RASSF1: variants seen among roughly 807,000 people sequenced by gnomAD.
RASSF1 encodes ras association domain-containing protein 1.
Under a neutral mutation model 34.3 loss-of-function variants are expected in RASSF1, and 33 were observed. The ratio of observed to expected loss-of-function variants is 0.96; its 90% CI spans 0.73 to 1.29. The LOEUF is 1.29. Among genes scored for constraint, RASSF1 ranks in the 50% most tolerant of loss-of-function variants. RASSF1 has a pLI of 0.00. For missense variants in RASSF1, 445 were observed against 471.8 expected (o/e 0.94, Z 0.53); for synonymous variants, 191 against 195.0 (o/e 0.98, Z 0.17).
intron 5 of RASSF1, 24 bp downstream of exon 5, chr3:50,331,310 A>G (rs777515136): frequency 1.3e-6 from 2 of 1,494,456 alleles, no homozygotes; most frequent in South Asian, 2.5e-5. Context: ...GTGACAACCA[A>G]GAAACTAAGA....
chr3:50,337,417 C>T, intron 2 of RASSF1: 1 of 1,581,924 alleles, frequency 6.3e-7, no homozygotes, highest in Non-Finnish European at 8.6e-7. Context: ...TGCGCGTGCG[C>T]CCGGGCCAGA....
intron 2 of RASSF1, chr3:50,337,449 C>T (rs772117204): frequency 1.9e-6 from 3 of 1,574,788 alleles, no homozygotes; most frequent in Non-Finnish European, 2.6e-6. Flanking sequence ...ACCGTTAAGA[C>T]TGAAACGTAG....
intron 1 of RASSF1, 143 bp downstream of exon 1, chr3:50,340,413 C>G (rs778626660): frequency 1.7e-6 from 2 of 1,196,890 alleles, no homozygotes; most frequent in Non-Finnish European, 2.2e-6. Context: ...TTCGCGCACT[C>G]TTCAGCGATG....
At chr3:50,335,598 C>A (rs1365444462) in intron 2 of RASSF1, among the ~76,000 whole-genome samples, 1 of 151,874 alleles carries the variant, frequency 6.6e-6, no homozygotes, top group Non-Finnish European at 1.5e-5. Context: ...AGATTACAGG[C>A]ATGAGTCACC....
At position 50,330,599 on chromosome 3, in the gene RASSF1, G is replaced by A. The variant is rs148001613; in HGVS notation, c.1005C>T (p.His335=). 1.1e-5 allele frequency: 18 copies of A among 1,614,022 alleles called. No individual in the cohort carries two copies. The highest frequency in any genetic ancestry group is 5.3e-5 in the African/African-American group (4 of 74,934). ...CAAGAGGTCACCCAAGGGGGCAGGC[G>A]TGCAGGGCCTCTTGGATCTTCTGGC... ...YCRQKIQEAL[H]ACPLG is the part of the protein sequence containing the mutation. Residue 335 remains histidine (H), a synonymous_variant, in exon 6 of 6, where the codon CAC becomes CAT. Transcript: ENST00000359365. The surrounding 1 kb of genome is among the most constrained non-coding windows in gnomAD (Gnocchi z 4.5).
chr3:50,331,295 G>A, intron 5 of RASSF1, 39 bp downstream of exon 5: 4 of 1,431,726 alleles, frequency 2.8e-6, no homozygotes, highest in Non-Finnish European at 2.9e-6. Flanking sequence ...CATCAGTCCT[G>A]TCTAGTGACA....
intron 2 of RASSF1, chr3:50,337,704 G>A: frequency 3.6e-6 from 3 of 835,172 alleles, no homozygotes; most frequent in Non-Finnish European, 3.7e-6. Context: ...GCCCGGGTCC[G>A]CTTGCAGCGG....
In RASSF1 at chr3:50,339,783, C is replaced by A. The variant is rs1703296522; in HGVS notation, c.250+773G>T. 2.6e-5 allele frequency among the ~76,000 whole-genome samples: 4 copies of A among 152,338 alleles called. 1 individual carries two copies. In the South Asian group the frequency reaches 8.3e-4, roughly 32 times the overall value. ...TGCACACACAGACCTGGGACACTAT[C>A]CATCCACAAGTTCCTAAATAGGCCA... On this transcript the variant is annotated intron_variant, in intron 1 of 5. Coordinates refer to ENST00000359365, the MANE Select transcript of RASSF1 (RefSeq NM_007182.5).
In RASSF1 at chr3:50,337,663, G is replaced by C. The variant is rs1159205759; in HGVS notation, c.357+242C>G. The C allele has an allele frequency of 4.5e-6, 4 of 895,506 alleles. No homozygotes were observed. In the East Asian group the frequency reaches 1.1e-4, roughly 25 times the overall value. The allele number at this position is 895,506 out of a possible 1,614,324, so 55.5% of individuals were successfully genotyped here. A position where few individuals can be genotyped will look rare whatever the true frequency, so the allele number is the denominator to read the frequency against. ...AGGCGAGGGCGGGAAGGTGCGGGAA[G>C]TGCGCGTGCGCGGAGCCTGGGTCAG... On this transcript the variant is annotated intron_variant, in intron 2 of 5. Coordinates refer to ENST00000359365, the MANE Select transcript of RASSF1 (RefSeq NM_007182.5).
Position 50,340,657 on chromosome 3 carries a change from C to T in RASSF1, c.149G>A (p.Arg50His), listed in dbSNP as rs752841250. 5.2e-6 allele frequency: 8 copies of T among 1,527,138 alleles called. 1 individual carries two copies. Among genetic ancestry groups the T allele is most frequent in the South Asian group, 4.8e-5 (4 of 83,282 alleles). The allele number at this position is 1,527,138 out of a possible 1,614,324, so 94.6% of individuals were successfully genotyped here. A position where few individuals can be genotyped will look rare whatever the true frequency, so the allele number is the denominator to read the frequency against. Residue 50 changes from arginine (R) to histidine (H), a missense_variant, in exon 1 of 6, where the codon CGT becomes CAT. Arg to His is a conservative substitution (Grantham distance 29). Coordinates refer to ENST00000359365, the MANE Select transcript of RASSF1 (RefSeq NM_007182.5). ...CCCCGCGGGCTGGAAGCGGTGGCCA[C>T]GGCCAGGGACCAGCTGCCGTGTGGG... is the stretch of plus-strand genomic sequence containing the variant. ...CNPTRQLVPG[R>H]GHRFQPAGPA...
chr3:50,331,808 C>G lies in RASSF1; in HGVS notation c.511G>C (p.Val171Leu), dbSNP rs781447430. The G allele has an allele frequency of 1.0e-5, 16 of 1,592,484 alleles. No individual in the cohort carries two copies. Among genetic ancestry groups the G allele is most frequent in the Non-Finnish European group, 1.4e-5 (16 of 1,164,532 alleles). ...TGFIKVQLKL[V>L]RPVSVPSSKK... ...CTGGAGGGCACAGAGACAGGGCGCA[C>G]CAGCTTCAGCTGAACCTTGATGAAG... Residue 171 changes from valine (V) to leucine (L), a missense_variant, in exon 4 of 6, where the codon GTG (valine) becomes CTG (leucine). Coordinates refer to ENST00000359365, the MANE Select transcript of RASSF1 (RefSeq NM_007182.5).
intron 2 of RASSF1, chr3:50,337,650 G>A: frequency 1.1e-6 from 1 of 924,354 alleles, no homozygotes; most frequent in South Asian, 1.7e-5. Flanking sequence ...GCGAGGGCGG[G>A]AAGGTGCGGG....
intron 2 of RASSF1, chr3:50,337,297 G>A (rs756872172): frequency 1.3e-5 from 21 of 1,612,786 alleles, no homozygotes; most frequent in Non-Finnish European, 1.7e-5. Flanking sequence ...CATTTCGAAA[G>A]AAGGCGCCTC....
At position 50,331,807 on chromosome 3, in the gene RASSF1, A is replaced by T; in HGVS notation, c.512T>A (p.Val171Glu). The change falls in exon 4 of 6, where the codon GTG becomes GAG. Residue 171 changes from valine (V) to glutamate (E), a missense_variant. Val to Glu is a moderately radical substitution (Grantham distance 121, BLOSUM62 -2). Transcript: ENST00000359365. ...TGFIKVQLKL[V>E]RPVSVPSSKK... ...GCTGGAGGGCACAGAGACAGGGCGC[A>T]CCAGCTTCAGCTGAACCTTGATGAA... The T allele has an allele frequency of 6.3e-7, 1 of 1,594,602 alleles. No individual in the cohort carries two copies.
rs587769866 is a variant in RASSF1 at position 50,331,651 on chromosome 3, C to T, written c.668G>A (p.Arg223His). ...TCGCAGCAGGGCCTCAATGACTTCA[C>T]GTGCCCTTGTGCGTGACAGCACATG... is the stretch of plus-strand genomic sequence containing the variant. ...HLHVLSRTRAREVIEALLRKF... is the reference protein window; with the variant it reads ...HLHVLSRTRAHEVIEALLRKF... Residue 223 changes from arginine (R) to histidine (H), a missense_variant, in exon 4 of 6, where the codon CGT (arginine) becomes CAT (histidine). By Grantham distance (29) the Arg-to-His change is conservative. Coordinates refer to ENST00000359365, the MANE Select transcript of RASSF1 (RefSeq NM_007182.5). 6.2e-6 allele frequency: 10 copies of T among 1,612,258 alleles called. No individual in the cohort carries two copies. The highest frequency in any genetic ancestry group is 1.3e-5 in the African/African-American group (1 of 75,048).
chr3:50,337,106 G>T (rs1369332849), intron 2 of RASSF1: 43 of 1,485,526 alleles, frequency 2.9e-5, no homozygotes, highest in South Asian at 3.9e-5. Flanking sequence ...ACGCGGCAAC[G>T]GACCGGGGAG....
At chr3:50,332,637 A>AC (rs1029777478) in intron 2 of RASSF1, among the ~76,000 whole-genome samples, 1 of 151,878 alleles carries the variant, frequency 6.6e-6, no homozygotes, top group Admixed American at 6.6e-5. Flanking sequence ...AAAAAAGAAA[A>AC]AAAAAAATTA....
intron 2 of RASSF1, among the ~76,000 whole-genome samples, chr3:50,335,242 C>T (rs1703086617): frequency 6.6e-6 from 1 of 151,930 alleles, no homozygotes; most frequent in African/African-American, 2.4e-5. Context: ...GCCACTGCAC[C>T]TGGCCTAAAA....
intron 1 of RASSF1, among the ~76,000 whole-genome samples, chr3:50,338,507 T>C (rs1406114594): frequency 1.6e-4 from 24 of 152,216 alleles, no homozygotes. Context: ...CTCAAACTCC[T>C]GATCTCAGGT....
Sources: allele counts gnomAD v4.1 joint callset (sites outside exome capture counted in the v4.1 genomes callset), GRCh38; gene constraint gnomAD v4.1.1; non-coding constraint Gnocchi (gnomAD v3.1); transcripts MANE v1.5; gene names NCBI Gene and HGNC (gene_info 2026-07-23, HGNC 2026-07-21).